The following KCNJ3 variants were observed in gnomAD, a reference collection of about 807,000 sequenced individuals.
The protein encoded by KCNJ3 is G protein-activated inward rectifier potassium channel 1.
Under a neutral mutation model 39.2 loss-of-function variants are expected in KCNJ3, and 4 were observed. The ratio of observed to expected loss-of-function variants is 0.10; its 90% CI spans 0.05 to 0.23. The LOEUF is 0.23. KCNJ3 is among the 10% of genes least tolerant of loss of function. The pLI is 1.00. For missense variants in KCNJ3, 276 were observed against 634.9 expected (o/e 0.43, Z 6.08); for synonymous variants, 230 against 237.4 (o/e 0.97, Z 0.29).
At chr2:154,839,198 T>G (rs1422496128) in intron 2 of KCNJ3, among the ~76,000 whole-genome samples, 1 of 152,200 alleles carries the variant, frequency 6.6e-6, no homozygotes, top group Non-Finnish European at 1.5e-5. Context: ...CATGCGGTGT[T>G]TGGTTTTCTG....
intron 2 of KCNJ3, among the ~76,000 whole-genome samples, chr2:154,763,656 C>T (rs1686083328): frequency 6.6e-6 from 1 of 152,100 alleles, no homozygotes; most frequent in Admixed American, 6.6e-5. Context: ...AGGTTTTCCC[C>T]TTTCTACTGA....
chr2:154,760,991 C>A (rs1686030804), intron 2 of KCNJ3, among the ~76,000 whole-genome samples: 1 of 151,060 alleles, frequency 6.6e-6, no homozygotes, highest in Non-Finnish European at 1.5e-5. Flanking sequence ...CCCGCCTTGG[C>A]CTCCCAAAGT....
chr2:154,775,212 T>C (rs1035783878), intron 2 of KCNJ3, among the ~76,000 whole-genome samples: 1 of 152,220 alleles, frequency 6.6e-6, no homozygotes, highest in Non-Finnish European at 1.5e-5. Flanking sequence ...CCACTGCACC[T>C]GGCCTGTTTT....
intron 2 of KCNJ3, among the ~76,000 whole-genome samples, chr2:154,805,845 T>C (rs1013944627): frequency 6.6e-6 from 1 of 152,138 alleles, no homozygotes; most frequent in Non-Finnish European, 1.5e-5. Context: ...TAGTGAGTTA[T>C]AACCAGAATT....
intron 1 of KCNJ3, among the ~76,000 whole-genome samples, chr2:154,701,573 T>C (rs1684897255): frequency 6.6e-6 from 1 of 152,036 alleles, no homozygotes; most frequent in South Asian, 2.1e-4. Context: ...CCTAAGGAAA[T>C]GTACCACATA....
intron 2 of KCNJ3, among the ~76,000 whole-genome samples, chr2:154,768,345 T>C (rs1454272014): frequency 1.3e-5 from 2 of 152,202 alleles, no homozygotes; most frequent in Admixed American, 1.3e-4. Context: ...CTTTAACCCA[T>C]CTTGAATTAA....
At chr2:154,810,770 G>C (rs564939864) in intron 2 of KCNJ3, among the ~76,000 whole-genome samples, 28 of 152,280 alleles carry the variant, frequency 1.8e-4, no homozygotes, top group African/African-American at 6.5e-4. Flanking sequence ...GTATTTATCT[G>C]AGCTCAATGT....
intron 1 of KCNJ3, among the ~76,000 whole-genome samples, chr2:154,700,648 A>G (rs945651845): frequency 6.6e-6 from 1 of 152,230 alleles, no homozygotes; most frequent in African/African-American, 2.4e-5. Context: ...TGAAATTTCA[A>G]TTTCCAATCC....
intron 2 of KCNJ3, among the ~76,000 whole-genome samples, chr2:154,819,297 AG>A (rs1406108850): frequency 6.6e-6 from 1 of 152,150 alleles, no homozygotes; most frequent in East Asian, 1.9e-4. Flanking sequence ...TTTTATTGTT[AG>A]GGTTTGCAAA....
chr2:154,716,373 C>T (rs1685181348), intron 2 of KCNJ3, among the ~76,000 whole-genome samples: 2 of 150,316 alleles, frequency 1.3e-5, no homozygotes, highest in South Asian at 4.2e-4. Context: ...GATTCGCCTG[C>T]CTCGGCCTCC....
chr2:154,699,505 G>T lies in KCNJ3; in HGVS notation c.702+28G>T. ...AAGTGCTCCCCGCCCCTTCCCCACC[G>T]GGAGACCTGCGTCCCCCAAACCCGC... On this transcript the variant is annotated intron_variant, in intron 1 of 2. Coordinates refer to ENST00000295101, the MANE Select transcript of KCNJ3 (RefSeq NM_002239.4). The surrounding 1 kb of genome is among the most constrained non-coding windows in gnomAD (Gnocchi z 6.4). 6.5e-7 allele frequency: 1 copy of T among 1,535,212 alleles called. No individual in the cohort carries two copies. Among genetic ancestry groups the T allele is most frequent in the Non-Finnish European group, 8.7e-7 (1 of 1,144,976 alleles).
chr2:154,807,895 C>A (rs912261309), intron 2 of KCNJ3, among the ~76,000 whole-genome samples: 1 of 152,120 alleles, frequency 6.6e-6, no homozygotes, highest in Non-Finnish European at 1.5e-5. Flanking sequence ...TCTCTCCCCA[C>A]TCTATCCCTC....
intron 2 of KCNJ3, among the ~76,000 whole-genome samples, chr2:154,775,169 A>G (rs1380591640): frequency 6.6e-6 from 1 of 152,174 alleles, no homozygotes; most frequent in Non-Finnish European, 1.5e-5. Flanking sequence ...AGTCCACCTC[A>G]GCCTTCCAAA....
chr2:154,854,791 T>A lies in KCNJ3; in HGVS notation c.984T>A (p.Phe328Leu), dbSNP rs760085492. ...EDEVLWGHRF[F>L]PVISLEEGFF... ...AAGTTCTTTGGGGTCATCGTTTTTTTCCTGTAATTTCCTTAGAAGAGGGAT... is the reference window on the plus strand; with the variant it reads ...AAGTTCTTTGGGGTCATCGTTTTTTACCTGTAATTTCCTTAGAAGAGGGAT... Residue 328 changes from phenylalanine to leucine, a missense_variant, in exon 3 of 3, where the codon TTT becomes TTA. Transcript: ENST00000295101. The A allele has an allele frequency of 1.9e-6, 3 of 1,613,994 alleles. No homozygotes were observed. The highest frequency in any genetic ancestry group is 2.2e-5 in the South Asian group (2 of 91,078).
chr2:154,846,690 T>G (rs1199963209), intron 2 of KCNJ3, among the ~76,000 whole-genome samples: 1 of 152,182 alleles, frequency 6.6e-6, no homozygotes, highest in Non-Finnish European at 1.5e-5. Flanking sequence ...CCTGTCATGT[T>G]TTCTACCTGA....
At chr2:154,792,494 A>G (rs920193060) in intron 2 of KCNJ3, among the ~76,000 whole-genome samples, 1 of 152,100 alleles carries the variant, frequency 6.6e-6, no homozygotes, top group Non-Finnish European at 1.5e-5. Context: ...GGAGCTTGAC[A>G]AGCTAATCTG....
chr2:154,714,410 ACTC>A (rs779794975), intron 2 of KCNJ3, among the ~76,000 whole-genome samples: 1 of 150,830 alleles, frequency 6.6e-6, no homozygotes, highest in African/African-American at 2.4e-5. Flanking sequence ...GCTTCTTCCT[ACTC>A]CTCCTCGCTC....
chr2:154,787,200 G>A (rs550281675), intron 2 of KCNJ3, among the ~76,000 whole-genome samples: 2 of 152,126 alleles, frequency 1.3e-5, no homozygotes, highest in African/African-American at 4.8e-5. Context: ...CATCCTCCTC[G>A]CATTTTCAAT....
chr2:154,837,865 C>T (rs1485705206), intron 2 of KCNJ3, among the ~76,000 whole-genome samples: 3 of 152,170 alleles, frequency 2.0e-5, no homozygotes, highest in Non-Finnish European at 4.4e-5. Flanking sequence ...TGGGAAACTG[C>T]TACTTGCCTT....
Sources: allele counts gnomAD v4.1 joint callset (sites outside exome capture counted in the v4.1 genomes callset), GRCh38; gene constraint gnomAD v4.1.1; non-coding constraint Gnocchi (gnomAD v3.1); transcripts MANE v1.5; gene names NCBI Gene and HGNC (gene_info 2026-07-23, HGNC 2026-07-21).